Variants in PDE1C observed in about 807,000 individuals in gnomAD.
The protein encoded by PDE1C is dual specificity calcium/calmodulin-dependent 3',5'-cyclic nucleotide phosphodiesterase 1C.
In PDE1C, 62 loss-of-function variants were observed where a neutral mutation model predicts 93.1. The observed-to-expected ratio is 0.67, with a 90% CI of 0.54 to 0.82. The LOEUF is 0.82. Among genes scored for constraint, PDE1C ranks in the 40% least tolerant of loss-of-function variants. The pLI, the probability that PDE1C is intolerant of heterozygous loss-of-function variation, is 0.00. For missense variants in PDE1C, 742 were observed against 884.6 expected (o/e 0.84, Z 2.04); for synonymous variants, 325 against 310.1 (o/e 1.05, Z -0.50).
chr7:31,790,086 G>A (rs1209257345), intron 16 of PDE1C: 5 of 1,465,016 alleles, frequency 3.4e-6, no homozygotes, highest in Non-Finnish European at 4.5e-6. Context: ...ATGGTGTGAG[G>A]GAAGGCCAAG....
chr7:32,334,493 G>A (rs1585113911), intron 1 of PDE1C, among the ~76,000 whole-genome samples: 2 of 152,040 alleles, frequency 1.3e-5, no homozygotes, highest in South Asian at 4.1e-4. Context: ...ACATGAGTAA[G>A]TTCTCTAGCG....
At chr7:31,643,873 T>C in the PDE1C span, 2 of 1,613,896 alleles carry the variant, frequency 1.2e-6, no homozygotes, top group Non-Finnish European at 1.7e-6. Context: ...CTGCCTGTGT[T>C]CACTAACTGG....
At chr7:32,228,173 C>A (rs140418139) in intron 1 of PDE1C, among the ~76,000 whole-genome samples, 2 of 152,310 alleles carry the variant, frequency 1.3e-5, no homozygotes, top group Non-Finnish European at 2.9e-5. Flanking sequence ...CAAGAAGAGA[C>A]TAGAGAACCT....
chr7:31,765,942 A>C (rs1380959561), intron 17 of PDE1C, among the ~76,000 whole-genome samples: 1 of 152,186 alleles, frequency 6.6e-6, no homozygotes. Flanking sequence ...TGGGTAAGCT[A>C]TTCATCTCTT....
intron 2 of PDE1C, among the ~76,000 whole-genome samples, chr7:31,887,479 A>G (rs1030460839): frequency 6.6e-6 from 1 of 152,216 alleles, no homozygotes; most frequent in African/African-American, 2.4e-5. Context: ...AAGAAAAATA[A>G]TTAGTACCTA....
At chr7:31,683,928 G>A in the PDE1C span, among the ~76,000 whole-genome samples, 146 of 152,344 alleles carry the variant, frequency 9.6e-4, no homozygotes, top group Non-Finnish European at 1.8e-3. Context: ...GAAGGCACAA[G>A]TGAATTCAGC....
At chr7:32,298,684 T>C in exon 1 of PDE1C, 1 of 1,607,894 alleles carries the variant, frequency 6.2e-7, no homozygotes, top group Non-Finnish European at 8.5e-7. Flanking sequence ...ATGCTGAAAG[T>C]GGCGCTCCGG....
intron 1 of PDE1C, among the ~76,000 whole-genome samples, chr7:32,268,157 T>A (rs1168651608): frequency 6.6e-6 from 1 of 152,230 alleles, no homozygotes; most frequent in East Asian, 1.9e-4. Flanking sequence ...GCCTAAGTCC[T>A]GATGTCAGGA....
the PDE1C span, among the ~76,000 whole-genome samples, chr7:31,691,708 A>T: frequency 6.9e-6 from 1 of 144,972 alleles, no homozygotes; most frequent in African/African-American, 2.5e-5. Context: ...CAAAACCCAG[A>T]TTTTCTCCTA....
In PDE1C at chr7:32,056,319, G is replaced by A. The variant is rs1012562998; in HGVS notation, c.102-4739C>T. Among the ~76,000 whole-genome samples, 9 of 56,330 alleles carry A rather than the reference G, an allele frequency of 1.6e-4. No individual in the cohort carries two copies. In the South Asian group the frequency reaches 2.2e-3, roughly 13 times the overall value. 37.0% of individuals were successfully genotyped at this position (56,330 alleles called of 152,430 possible). A position where few individuals can be genotyped will look rare whatever the true frequency, so the allele number is the denominator to read the frequency against. On this transcript the variant is annotated intron_variant, in intron 1 of 17. Transcript: ENST00000396191. ...GTCTGTTCCCTGGAATGGGTCCACCGTTCTCTCTCTCTCTCTCTCTCTCTC... is the reference window on the plus strand; with the variant it reads ...GTCTGTTCCCTGGAATGGGTCCACCATTCTCTCTCTCTCTCTCTCTCTCTC...
chr7:31,965,427 A>G (rs1284542616), intron 2 of PDE1C, among the ~76,000 whole-genome samples: 2 of 151,610 alleles, frequency 1.3e-5, no homozygotes, highest in Non-Finnish European at 2.9e-5. Flanking sequence ...AAAAAGAAAC[A>G]AACAAAGCCT....
At chr7:31,975,904 C>T (rs541887722) in intron 2 of PDE1C, among the ~76,000 whole-genome samples, 5 of 152,268 alleles carry the variant, frequency 3.3e-5, no homozygotes, top group African/African-American at 9.6e-5. Flanking sequence ...CACATTTAAC[C>T]GAAAAGTGAC....
At chr7:31,854,518 T>C (rs12701149) in intron 7 of PDE1C, among the ~76,000 whole-genome samples, 29,700 of 152,122 alleles carry the variant, frequency 0.2, 3,027 homozygotes, top group South Asian at 0.24. Context: ...TGACAAGTGG[T>C]AATTGGGGAC....
chr7:32,239,970 C>T (rs1808419165), intron 1 of PDE1C, among the ~76,000 whole-genome samples: 1 of 152,226 alleles, frequency 6.6e-6, no homozygotes, highest in South Asian at 2.1e-4. Context: ...CACAATCTCT[C>T]AGTGACTGAC....
At chr7:31,745,046 A>AT in the PDE1C span, among the ~76,000 whole-genome samples, 3 of 152,096 alleles carry the variant, frequency 2.0e-5, no homozygotes, top group Non-Finnish European at 4.4e-5. Context: ...ATGAAGTGAG[A>AT]TTTTGGCACA....
chr7:32,015,527 C>T (rs1285517139), intron 2 of PDE1C, among the ~76,000 whole-genome samples: 2 of 151,984 alleles, frequency 1.3e-5, no homozygotes, highest in African/African-American at 4.8e-5. Flanking sequence ...TCTGCCTGCC[C>T]CCCACCCCAC....
At chr7:31,806,575 T>C (rs1786854637) in intron 16 of PDE1C, among the ~76,000 whole-genome samples, 6 of 151,980 alleles carry the variant, frequency 3.9e-5, no homozygotes, top group Non-Finnish European at 7.4e-5. Flanking sequence ...AGAGATAATG[T>C]ACAGCTGCAA....
At chr7:31,962,163 G>T (rs1188410009) in intron 2 of PDE1C, among the ~76,000 whole-genome samples, 2 of 152,176 alleles carry the variant, frequency 1.3e-5, no homozygotes, top group African/African-American at 4.8e-5. Flanking sequence ...TGTTCCCACT[G>T]ATCTCTTGGG....
At chr7:31,855,162 G>T (rs181975422) in intron 7 of PDE1C, among the ~76,000 whole-genome samples, 1 of 152,032 alleles carries the variant, frequency 6.6e-6, no homozygotes, top group Non-Finnish European at 1.5e-5. Flanking sequence ...TCTGGTCAGG[G>T]TATCCCAAGG....
Sources: allele counts gnomAD v4.1 joint callset (sites outside exome capture counted in the v4.1 genomes callset), GRCh38; gene constraint gnomAD v4.1.1; transcripts MANE v1.5; gene names NCBI Gene and HGNC (gene_info 2026-07-23, HGNC 2026-07-21).